MMP7: variants seen among roughly 807,000 people sequenced by gnomAD.
MMP7 encodes the protein matrilysin.
A neutral mutation model predicts 31.5 loss-of-function variants in MMP7; 26 were observed. That is an observed-to-expected ratio of 0.83 (90% CI 0.61 to 1.15). MMP7 has a LOEUF of 1.15. MMP7 is among the 50% of genes most tolerant of loss of function. The pLI is 0.00. For missense variants in MMP7, 367 were observed against 326.5 expected (o/e 1.12, Z -0.96); for synonymous variants, 142 against 124.2 (o/e 1.14, Z -0.95).
chr11:102,520,839 T>C (rs770495717), intron 5 of MMP7, 35 bp from the exon 6 acceptor site: 2 of 1,404,816 alleles, frequency 1.4e-6, no homozygotes, highest in South Asian at 1.2e-5. Flanking sequence ...TTCTGATATG[T>C]AGAAAATGCA....
intron 5 of MMP7, among the ~76,000 whole-genome samples, chr11:102,522,675 A>T (rs759431658): frequency 6.6e-6 from 1 of 152,244 alleles, no homozygotes; most frequent in Non-Finnish European, 1.5e-5. Flanking sequence ...CAGTAAATCC[A>T]AATCAGTGCA....
chr11:102,525,928 A>T (rs1329128474), intron 3 of MMP7, among the ~76,000 whole-genome samples: 14 of 152,018 alleles, frequency 9.2e-5, no homozygotes, highest in Non-Finnish European at 2.1e-4. Context: ...AGTCCAGTTT[A>T]TCTAGCTCTT....
chr11:102,527,734 A>G (rs772033088), intron 2 of MMP7, 23 bp downstream of exon 2: 4 of 1,613,778 alleles, frequency 2.5e-6, no homozygotes, highest in East Asian at 4.5e-5. Context: ...GTTTTTGCCA[A>G]AATGAGCCAG....
At chr11:102,528,720 G>T (rs928149083) in intron 1 of MMP7, among the ~76,000 whole-genome samples, 8 of 152,276 alleles carry the variant, frequency 5.3e-5, no homozygotes, top group African/African-American at 1.2e-4. Flanking sequence ...TCCATGCAAG[G>T]TTGGATTCCT....
chr11:102,529,220 T>C (rs1858705753), intron 1 of MMP7, among the ~76,000 whole-genome samples: 1 of 152,232 alleles, frequency 6.6e-6, no homozygotes, highest in Non-Finnish European at 1.5e-5. Context: ...ATTGTGTCTT[T>C]TTTTCCTGTT....
At chr11:102,528,173 T>C (rs1185329635) in intron 1 of MMP7, among the ~76,000 whole-genome samples, 190 bp from the exon 2 acceptor site, 2 of 152,230 alleles carry the variant, frequency 1.3e-5, no homozygotes, top group Non-Finnish European at 2.9e-5. Context: ...AATGAAGCAC[T>C]GGCGTGCCAT....
intron 3 of MMP7, among the ~76,000 whole-genome samples, chr11:102,526,534 G>A (rs982434034): frequency 3.9e-5 from 6 of 152,084 alleles, no homozygotes; most frequent in Non-Finnish European, 7.4e-5. Flanking sequence ...ACCACACCCT[G>A]CTGTGTTATA....
rs1226686450 is a variant in MMP7, at chr11:102,523,289, T to C, written c.726A>G (p.Gln242=). 25 of 1,612,144 alleles carry C rather than the reference T, an allele frequency of 1.6e-5. No homozygotes were observed. Among genetic ancestry groups the C allele is most frequent in the Non-Finnish European group, 2.1e-5 (25 of 1,178,778 alleles). The part of the protein sequence containing the change: ...MYPTYGNGDP[Q]NFKLSQDDIK... ...TATCATCCTGGGAAAGTTTAAAATT[T>C]TGGGGATCTCCATTTCCATAGGTTG... Residue 242 remains glutamine (Q), a synonymous_variant, in exon 5 of 6, where the codon CAA becomes CAG. Coordinates refer to ENST00000260227, the MANE Select transcript of MMP7 (RefSeq NM_002423.5).
chr11:102,529,059 T>C (rs1223280622), intron 1 of MMP7, among the ~76,000 whole-genome samples: 1 of 152,182 alleles, frequency 6.6e-6, no homozygotes, highest in Admixed American at 6.5e-5. Flanking sequence ...ATTAGAAACA[T>C]GTGTAGGGTT....
In MMP7 at chr11:102,526,770, A is replaced by G. The variant is rs570786491; in HGVS notation, c.484+754T>C. ...AACAGATCACATATACAATGGTCCT[A>G]TAAGATTATAATGGAGCTGAAAAAT... On this transcript the variant is annotated intron_variant, in intron 3 of 5. Coordinates refer to ENST00000260227, the MANE Select transcript of MMP7 (RefSeq NM_002423.5). Among the ~76,000 whole-genome samples the G allele has an allele frequency of 5.3e-5, 8 of 152,326 alleles. 1 individual carries two copies. The South Asian group carries it at 1.4e-3, about 28-fold the overall frequency.
intron 3 of MMP7, among the ~76,000 whole-genome samples, chr11:102,525,436 C>A (rs1819238523): frequency 6.7e-6 from 1 of 149,786 alleles, no homozygotes; most frequent in South Asian, 2.1e-4. Flanking sequence ...CAGTGAAACT[C>A]CATCTCAAAA....
At chr11:102,521,806 C>A (rs538067070) in intron 5 of MMP7, among the ~76,000 whole-genome samples, 1 of 152,160 alleles carries the variant, frequency 6.6e-6, no homozygotes, top group Non-Finnish European at 1.5e-5. Flanking sequence ...TTATAGACTG[C>A]TATAGAATAT....
chr11:102,522,529 A>G (rs940062974), intron 5 of MMP7, among the ~76,000 whole-genome samples: 1 of 152,204 alleles, frequency 6.6e-6, no homozygotes, highest in African/African-American at 2.4e-5. Flanking sequence ...TGGCTCAAGC[A>G]CTCGACAGTC....
At chr11:102,528,015 C>G in intron 1 of MMP7, 32 bp from the exon 2 acceptor site, 1 of 1,483,346 alleles carries the variant, frequency 6.7e-7, no homozygotes, top group Non-Finnish European at 9.3e-7. Flanking sequence ...ATCTATAGTT[C>G]TTGTTTATTA....
At chr11:102,528,609 T>G (rs1480992859) in intron 1 of MMP7, among the ~76,000 whole-genome samples, 1 of 152,214 alleles carries the variant, frequency 6.6e-6, no homozygotes, top group African/African-American at 2.4e-5. Flanking sequence ...CTCTTTTCCC[T>G]CTTTCTGCTC....
Position 102,530,604 on chromosome 11 carries a change from C to A in MMP7, c.97G>T (p.Glu33Ter). ...EAGGMSELQW[E>*]QAQDYLKRFY... ...GGGCTGTGACATACCTGAGCCTGTT[C>A]CCACTGTAGCTCACTCATGCCTCCC... The change falls in exon 1 of 6, where the codon GAA (glutamate) becomes TAA (stop). Residue 33 changes from glutamate (E) to a stop codon, truncating the protein, a stop_gained. Coordinates refer to ENST00000260227, the MANE Select transcript of MMP7 (RefSeq NM_002423.5). LOFTEE classifies it high-confidence loss of function. The A allele has an allele frequency of 1.2e-6, 2 of 1,613,652 alleles. No homozygotes were observed. Among genetic ancestry groups the A allele is most frequent in the South Asian group, 2.2e-5 (2 of 91,020 alleles).
chr11:102,521,617 T>C (rs1858614615), intron 5 of MMP7, among the ~76,000 whole-genome samples: 1 of 152,236 alleles, frequency 6.6e-6, no homozygotes, highest in Admixed American at 6.5e-5. Context: ...ACAGCCCACA[T>C]AATTAAATTC....
chr11:102,522,915 C>T (rs1858629136), intron 5 of MMP7, among the ~76,000 whole-genome samples: 1 of 152,100 alleles, frequency 6.6e-6, no homozygotes, highest in Admixed American at 6.5e-5. Flanking sequence ...TCAGTCCACC[C>T]CTACAGGGGA....
In MMP7 at chr11:102,524,988, T is replaced by A. The variant is rs1310984808; in HGVS notation, c.561A>T (p.Gly187=). ...CATCCTCATCGAAGTGAGCATCTCC[T>A]CCGAGACCTGTCCCAGGCGCAAAGG... ...AHAFAPGTGL[G]GDAHFDEDER... is the part of the protein sequence containing the mutation. The change falls in exon 4 of 6, where the codon GGA becomes GGT. Residue 187 remains glycine (G), a synonymous_variant. Transcript: ENST00000260227. 1.2e-6 allele frequency: 2 copies of A among 1,614,064 alleles called. No homozygotes were observed. The highest frequency in any genetic ancestry group is 1.7e-6 in the Non-Finnish European group (2 of 1,179,972).
Sources: allele counts gnomAD v4.1 joint callset (sites outside exome capture counted in the v4.1 genomes callset), GRCh38; gene constraint gnomAD v4.1.1; transcripts MANE v1.5; gene names NCBI Gene and HGNC (gene_info 2026-07-23, HGNC 2026-07-21).